DNAH17: variants seen among roughly 807,000 people sequenced by gnomAD.
DNAH17 encodes the protein dynein axonemal heavy chain 17.
A neutral mutation model predicts 485.6 loss-of-function variants in DNAH17; 376 were observed. The ratio of observed to expected loss-of-function variants is 0.77; its 90% CI spans 0.71 to 0.84. The LOEUF is 0.84. Ranked by LOEUF, DNAH17 falls within the 40% of genes least tolerant of loss-of-function variation. The probability of loss-of-function intolerance (pLI) is 0.00; values close to 1 mark genes in which losing one functional copy is unlikely to be tolerated. For synonymous variants in DNAH17, 3,031 were observed against 2,405.9 expected (o/e 1.26, Z -7.60); for missense variants, 6,370 against 5,839.3 (o/e 1.09, Z -2.96).
chr17:78,476,748 G>A lies in DNAH17; in HGVS notation c.7993-15C>T, dbSNP rs778859278. 15 of 1,609,296 alleles carry A rather than the reference G, an allele frequency of 9.3e-6. No individual in the cohort carries two copies. Among genetic ancestry groups the A allele is most frequent in the Non-Finnish European group, 1.3e-5 (15 of 1,177,776 alleles). On this transcript the variant is annotated splice_polypyrimidine_tract_variant and intron_variant, in intron 51 of 80. Transcript: ENST00000389840. ...AATAAGAGTCCCTGCCCCAAACACA[G>A]GATGATCAGCACCGTCAGCTGTTAC... is the stretch of plus-strand genomic sequence containing the variant.
intron 65 of DNAH17, among the ~76,000 whole-genome samples, chr17:78,452,640 A>C (rs2087603272): frequency 6.6e-6 from 1 of 152,238 alleles, no homozygotes; most frequent in Admixed American, 6.5e-5. Context: ...TGGGAGGCTG[A>C]GGCAGGAGAA....
In DNAH17 at chr17:78,490,860, C is replaced by A. The variant is rs1210836796; in HGVS notation, c.6670-13G>T. On this transcript the variant is annotated splice_polypyrimidine_tract_variant and intron_variant, in intron 43 of 80. Transcript: ENST00000389840. ...CCAGGGTGAGGACCTAGGAGGGGGA[C>A]AGCAGCCCGTGGGGTCCTAAGGCGA... 6.3e-7 allele frequency: 1 copy of A among 1,585,282 alleles called. No homozygotes were observed. The highest frequency in any genetic ancestry group is 1.3e-5 in the African/African-American group (1 of 74,478).
chr17:78,453,160 C>G (rs2146501364), intron 65 of DNAH17, among the ~76,000 whole-genome samples, 183 bp downstream of exon 65: 1 of 152,304 alleles, frequency 6.6e-6, no homozygotes, highest in Non-Finnish European at 1.5e-5. Context: ...GGAAGTGGCC[C>G]CTCTTTCCAG....
chr17:78,456,953 C>T (rs1001141472), intron 62 of DNAH17, among the ~76,000 whole-genome samples: 4 of 152,224 alleles, frequency 2.6e-5, no homozygotes, highest in South Asian at 4.1e-4. Flanking sequence ...GCTGAGGCTC[C>T]GGGTGCTCCC....
chr17:78,506,793 G>A lies in DNAH17; in HGVS notation c.4730C>T (p.Ala1577Val). 1.2e-6 allele frequency: 2 copies of A among 1,614,030 alleles called. No homozygotes were observed. Among genetic ancestry groups the A allele is most frequent in the Middle Eastern group, 1.6e-4 (1 of 6,062 alleles). ...LAEYLETKRL[A>V]FPRFYFVSSA... Reference sequence around the variant, plus strand: ...GGAGACAAAATAGAACCGGGGGAAAGCCAGTCTTTTCGTCTCTAAATACTC... The same window carrying A: ...GGAGACAAAATAGAACCGGGGGAAAACCAGTCTTTTCGTCTCTAAATACTC... The change falls in exon 30 of 81, where the codon GCT becomes GTT. Residue 1577 changes from alanine (A) to valine (V), a missense_variant. Transcript: ENST00000389840.
At chr17:78,454,230 C>A (rs1325819116) in intron 64 of DNAH17, among the ~76,000 whole-genome samples, 1 of 152,212 alleles carries the variant, frequency 6.6e-6, no homozygotes, top group African/African-American at 2.4e-5. Flanking sequence ...CAACCCCAGG[C>A]CTGAGCCTCC....
intron 16 of DNAH17, among the ~76,000 whole-genome samples, chr17:78,545,936 G>A (rs1471755606): frequency 1.3e-5 from 2 of 151,868 alleles, no homozygotes; most frequent in Non-Finnish European, 1.5e-5. Flanking sequence ...ATGTATGCAA[G>A]GATGTATATA....
intron 43 of DNAH17, 56 bp downstream of exon 43, chr17:78,491,387 C>T (rs1391713365): frequency 1.0e-5 from 16 of 1,584,896 alleles, no homozygotes; most frequent in Admixed American, 5.3e-5. Context: ...TCCCTGTGAG[C>T]CCCCGTTGTC....
intron 17 of DNAH17, among the ~76,000 whole-genome samples, chr17:78,542,069 C>T (rs1438498785): frequency 2.6e-5 from 4 of 151,252 alleles, no homozygotes; most frequent in African/African-American, 9.8e-5. Context: ...GATGATGTGA[C>T]TCATCATTAA....
chr17:78,427,948 G>A (rs1040337718), intron 77 of DNAH17, among the ~76,000 whole-genome samples: 7 of 128,490 alleles, frequency 5.4e-5, no homozygotes, highest in African/African-American at 1.2e-4. Context: ...CCTGGGCAAC[G>A]AGAGCAAAAC....
At position 78,474,789 on chromosome 17, in the gene DNAH17, C is replaced by A. The variant is rs574157731; in HGVS notation, c.8511+489G>T. Among the ~76,000 whole-genome samples the A allele has an allele frequency of 8.8e-5, 12 of 136,846 alleles. No individual in the cohort carries two copies. In the South Asian group the frequency reaches 2.8e-3, roughly 32 times the overall value. The allele number at this position is 136,846 out of a possible 152,430, so 89.8% of individuals were successfully genotyped here. A position where few individuals can be genotyped will look rare whatever the true frequency, so the allele number is the denominator to read the frequency against. On this transcript the variant is annotated intron_variant, in intron 54 of 80. Coordinates refer to ENST00000389840, the MANE Select transcript of DNAH17 (RefSeq NM_173628.4). Reference sequence around the variant, plus strand: ...GTCACGCGGGCTGGAGGGTTTCACACTCTTCACCTCAGTCACCCGGGCACA... The same window carrying A: ...GTCACGCGGGCTGGAGGGTTTCACAATCTTCACCTCAGTCACCCGGGCACA...
chr17:78,436,414 G>A (rs956719267), intron 74 of DNAH17, among the ~76,000 whole-genome samples: 2 of 151,316 alleles, frequency 1.3e-5, no homozygotes, highest in Admixed American at 6.6e-5. Flanking sequence ...GGCAATAAGA[G>A]CGAAACTCCA....
intron 17 of DNAH17, among the ~76,000 whole-genome samples, chr17:78,542,458 C>A (rs1165716649): frequency 6.6e-6 from 1 of 152,152 alleles, no homozygotes; most frequent in African/African-American, 2.4e-5. Flanking sequence ...GTTATTTGAG[C>A]TCAAGGGAGA....
In DNAH17 at chr17:78,486,437, G is replaced by C; in HGVS notation, c.6888C>G (p.Asp2296Glu). Reference sequence around the variant, plus strand: ...TGTCCAGGCACGTGGGCAGGTACTTGTCAAAGAGGATCATCAGGTTGGCCT... The same window carrying C: ...TGTCCAGGCACGTGGGCAGGTACTTCTCAAAGAGGATCATCAGGTTGGCCT... ...SEKANLMILF[D>E]KYLPTCLDKL... The change falls in exon 45 of 81, where the codon GAC becomes GAG. Residue 2296 changes from aspartate (D) to glutamate (E), a missense_variant. Asp to Glu is a conservative substitution (Grantham distance 45). Coordinates refer to ENST00000389840, the MANE Select transcript of DNAH17 (RefSeq NM_173628.4). 1 of 1,613,710 alleles carries C rather than the reference G, an allele frequency of 6.2e-7. No individual in the cohort carries two copies. The highest frequency in any genetic ancestry group is 1.1e-5 in the South Asian group (1 of 91,080).
intron 76 of DNAH17, among the ~76,000 whole-genome samples, 153 bp downstream of exon 76, chr17:78,428,968 G>A (rs535075253): frequency 1.4e-5 from 2 of 146,498 alleles, no homozygotes; most frequent in Non-Finnish European, 3.0e-5. Flanking sequence ...TTAGCCTTGT[G>A]CTTCTTCCAA....
chr17:78,510,751 G>GTC (rs1555679580), intron 26 of DNAH17: 2 of 378,306 alleles, frequency 5.3e-6, no homozygotes, highest in Non-Finnish European at 9.8e-6. Context: ...CGGAATTGCG[G>GTC]CCCCCCCGCA....
At chr17:78,568,647 G>A (rs533871860) in intron 9 of DNAH17, among the ~76,000 whole-genome samples, 8 of 152,192 alleles carry the variant, frequency 5.3e-5, no homozygotes, top group African/African-American at 7.2e-5. Context: ...CTGCAGTGGC[G>A]CAATCATGAC....
intron 13 of DNAH17, among the ~76,000 whole-genome samples, chr17:78,560,524 G>T (rs1042895908): frequency 1.3e-5 from 2 of 152,068 alleles, no homozygotes; most frequent in South Asian, 4.2e-4. Context: ...GGGATCACAG[G>T]AACGCTTTCA....
intron 63 of DNAH17, among the ~76,000 whole-genome samples, chr17:78,455,146 G>A (rs1460103640): frequency 6.6e-6 from 1 of 152,088 alleles, no homozygotes; most frequent in Non-Finnish European, 1.5e-5. Context: ...CTGACCTCAG[G>A]TGATCTGCCT....
Sources: allele counts gnomAD v4.1 joint callset (sites outside exome capture counted in the v4.1 genomes callset), GRCh38; gene constraint gnomAD v4.1.1; transcripts MANE v1.5; gene names NCBI Gene and HGNC (gene_info 2026-07-23, HGNC 2026-07-21).